Variants in SHF observed in about 807,000 individuals in gnomAD.
SHF encodes the protein Src homology 2 domain containing F.
A neutral mutation model predicts 42.4 loss-of-function variants in SHF; 30 were observed. The ratio of observed to expected loss-of-function variants is 0.71; its 90% CI spans 0.53 to 0.96. The LOEUF is 0.96. Among genes scored for constraint, SHF ranks in the 40% least tolerant of loss-of-function variants. SHF has a pLI of 0.00. For synonymous variants in SHF, 264 were observed against 269.9 expected (o/e 0.98, Z 0.21); for missense variants, 598 against 634.0 (o/e 0.94, Z 0.61).
chr15:45,188,310 G>T (rs1257980174), upstream of SHF, among the ~76,000 whole-genome samples: 1 of 152,190 alleles, frequency 6.6e-6, no homozygotes. Flanking sequence ...GCAAAGAGGG[G>T]AGCCCCCAGA....
In SHF at chr15:45,187,910, C is replaced by T; in HGVS notation, c.42G>A (p.Gly14=). 1 of 1,185,940 alleles carries T rather than the reference C, an allele frequency of 8.4e-7. No homozygotes were observed. The highest frequency in any genetic ancestry group is 1.0e-6 in the Non-Finnish European group (1 of 958,232). The allele number at this position is 1,185,940 out of a possible 1,614,324, so 73.5% of individuals were successfully genotyped here. A position where few individuals can be genotyped will look rare whatever the true frequency, so the allele number is the denominator to read the frequency against. ...SGAPPAGSRP[G]PRTQGSAGGG... ...CCCCAGCGCTCCCCTGCGTTCGCGG[C>T]CCCGGGCGGGAGCCAGCCGGAGGAG... Residue 14 remains glycine (G), a synonymous_variant, in exon 1 of 7, where the codon GGG becomes GGA. Transcript: ENST00000690270.
At position 45,186,745 on chromosome 15, in the gene SHF, T is replaced by C. The variant is rs144259163; in HGVS notation, c.498+709A>G. Among the ~76,000 whole-genome samples, 483 of 152,338 alleles carry C rather than the reference T, an allele frequency of 3.2e-3. 2 individuals carry two copies. The highest frequency in any genetic ancestry group is 0.011 in the African/African-American group (460 of 41,570). ...TTAGCCCCATGTGGGCAACAGGTCC[T>C]GAGCACTGACTATCCTCATACCTGA... is the stretch of plus-strand genomic sequence containing the variant. On this transcript the variant is annotated intron_variant, in intron 1 of 6. Transcript: ENST00000690270.
At chr15:45,177,072 C>G (rs1363419468) in intron 2 of SHF, among the ~76,000 whole-genome samples, 1 of 152,226 alleles carries the variant, frequency 6.6e-6, no homozygotes, top group East Asian at 1.9e-4. Flanking sequence ...CTTGACCACT[C>G]TCTGCCTCCC....
chr15:45,186,161 C>T (rs139372161), intron 1 of SHF, among the ~76,000 whole-genome samples: 1 of 152,262 alleles, frequency 6.6e-6, no homozygotes. Context: ...AGCAGACGAG[C>T]ACAGCCTTGG....
chr15:45,175,131 G>T, intron 3 of SHF, 88 bp downstream of exon 3: 1 of 1,397,812 alleles, frequency 7.2e-7, no homozygotes, highest in Non-Finnish European at 9.7e-7. Context: ...GGCCTCTCTG[G>T]GTTCCTGGGG....
intron 2 of SHF, chr15:45,198,729 C>T (rs368012918): frequency 4.7e-5 from 74 of 1,580,786 alleles, no homozygotes; most frequent in African/African-American, 3.4e-4. Flanking sequence ...CTTCAACAGT[C>T]ATAGGCCTTC....
At chr15:45,200,437 G>A (rs974827754) in intron 1 of SHF, 4 of 239,416 alleles carry the variant, frequency 1.7e-5, no homozygotes, top group South Asian at 5.2e-5. Context: ...TTCGAACCGA[G>A]GTTGCTGCGG....
At chr15:45,191,519 G>A (rs79738838), upstream of SHF, among the ~76,000 whole-genome samples, 643 of 152,228 alleles carry the variant, frequency 4.2e-3, 21 homozygotes, top group East Asian at 0.1. Context: ...TAAGCAGTTC[G>A]CCATAGTATC....
chr15:45,193,285 GAC>G (rs1184310306), intron 2 of SHF, among the ~76,000 whole-genome samples: 1 of 152,186 alleles, frequency 6.6e-6, no homozygotes, highest in Non-Finnish European at 1.5e-5. Context: ...AGGTCCTGAG[GAC>G]AGGTGCCCAA....
At chr15:45,181,979 T>G (rs1341137991) in intron 1 of SHF, among the ~76,000 whole-genome samples, 1 of 152,184 alleles carries the variant, frequency 6.6e-6, no homozygotes, top group Non-Finnish European at 1.5e-5. Flanking sequence ...ATCCCATCCC[T>G]CTCCTTCCTG....
chr15:45,172,677 TC>T (rs1372736854), intron 4 of SHF, among the ~76,000 whole-genome samples: 1 of 152,208 alleles, frequency 6.6e-6, no homozygotes, highest in African/African-American at 2.4e-5. Context: ...TAATATTGTT[TC>T]TTTCTCCTCC....
Position 45,175,418 on chromosome 15 carries a change from C to A in SHF, c.648G>T (p.Arg216=). 6.3e-7 allele frequency: 1 copy of A among 1,580,838 alleles called. No homozygotes were observed. Among genetic ancestry groups the A allele is most frequent in the East Asian group, 2.3e-5 (1 of 43,164 alleles). ...GCTGAGTTGCTGTCTCCTTGGAGCC[C>A]CGGATCTCTGCCGGAGCAGGGCAGG... ...YEAQKMMAEI[R]GSKETATQPL... is the part of the protein sequence containing the mutation. Residue 216 remains arginine, a synonymous_variant, in exon 3 of 7, where the codon CGG becomes CGT. Transcript: ENST00000690270.
At chr15:45,193,854 A>G (rs1026041862) in intron 2 of SHF, among the ~76,000 whole-genome samples, 1 of 151,942 alleles carries the variant, frequency 6.6e-6, no homozygotes, top group African/African-American at 2.4e-5. Context: ...AGGTCATTCC[A>G]AGTCAAGAGG....
At chr15:45,177,318 T>C (rs776681999) in intron 2 of SHF, among the ~76,000 whole-genome samples, 1 of 152,172 alleles carries the variant, frequency 6.6e-6, no homozygotes, top group Non-Finnish European at 1.5e-5. Context: ...CCAAGCCTGA[T>C]TGGGCAAGTT....
At chr15:45,181,168 C>G (rs1472313600) in intron 1 of SHF, 1 of 152,436 alleles carries the variant, frequency 6.6e-6, no homozygotes, top group Non-Finnish European at 1.5e-5. Flanking sequence ...GCCTCCTCAG[C>G]TCTAGCCTGC....
At chr15:45,187,378 A>C (rs1595638285) in intron 1 of SHF, 76 bp downstream of exon 1, 1 of 1,217,494 alleles carries the variant, frequency 8.2e-7, no homozygotes, top group Non-Finnish European at 1.0e-6. Flanking sequence ...GGGCCAGGCC[A>C]CCTTTGTCCC....
chr15:45,170,246 G>A, intron 6 of SHF: 1 of 758,830 alleles, frequency 1.3e-6, no homozygotes, highest in South Asian at 1.9e-5. Context: ...ATTACCGGGT[G>A]GCCTTGGGCA....
At chr15:45,169,959 A>G (rs1359743359) in intron 6 of SHF, among the ~76,000 whole-genome samples, 2 of 152,248 alleles carry the variant, frequency 1.3e-5, no homozygotes, top group Admixed American at 1.3e-4. Context: ...AGAAACCATA[A>G]TTCTATTTCA....
chr15:45,192,097 T>C (rs778250955), upstream of SHF, among the ~76,000 whole-genome samples: 1 of 152,090 alleles, frequency 6.6e-6, no homozygotes, highest in Non-Finnish European at 1.5e-5. Context: ...TTACACACTT[T>C]AGCAGGCATT....
Sources: gnomAD v4.1 joint callset for allele counts (sites outside exome capture counted in the v4.1 genomes callset) on GRCh38, gnomAD v4.1.1 for gene constraint, MANE v1.5 for transcripts, NCBI Gene and HGNC (gene_info 2026-07-23, HGNC 2026-07-21) for gene names.